Variants in CEP83 observed in about 807,000 individuals in gnomAD.
The protein encoded by CEP83 is centrosomal protein 83.
CEP83 carries 70 observed loss-of-function variants against 101.9 expected under a neutral mutation model. That is an observed-to-expected ratio of 0.69 (90% CI 0.57 to 0.84). The LOEUF is 0.84. Ranked by LOEUF, CEP83 falls within the 40% of genes least tolerant of loss-of-function variation. The probability of loss-of-function intolerance (pLI) is 0.00; values close to 1 mark genes in which losing one functional copy is unlikely to be tolerated. For synonymous variants in CEP83, 264 were observed against 267.9 expected (o/e 0.99, Z 0.14); for missense variants, 715 against 787.2 (o/e 0.91, Z 1.10).
At chr12:94,302,052 A>C (rs1361290460), downstream of CEP83, among the ~76,000 whole-genome samples, 3 of 152,066 alleles carry the variant, frequency 2.0e-5, no homozygotes, top group African/African-American at 4.8e-5. Context: ...CTTTCCTTCT[A>C]AACTTTTCCT....
chr12:94,376,690 TACACACACACACACAC>T (rs533315599), intron 7 of CEP83, among the ~76,000 whole-genome samples: 9 of 117,390 alleles, frequency 7.7e-5, no homozygotes, highest in South Asian at 3.0e-4. Context: ...TATACATATA[TACACACACACACACAC>T]ACACACACAC....
intron 11 of CEP83, among the ~76,000 whole-genome samples, chr12:94,351,306 G>A (rs1298991932): frequency 1.3e-5 from 2 of 152,128 alleles, no homozygotes; most frequent in African/African-American, 2.4e-5. Flanking sequence ...GGAGCTGCTT[G>A]GAGTCCACAT....
At chr12:94,331,147 C>T (rs746841664) in intron 14 of CEP83, among the ~76,000 whole-genome samples, 1 of 151,474 alleles carries the variant, frequency 6.6e-6, no homozygotes, top group Non-Finnish European at 1.5e-5. Flanking sequence ...AAAAATTAGT[C>T]GGGTGTGGTG....
chr12:94,353,104 C>G (rs1009708313), intron 11 of CEP83, among the ~76,000 whole-genome samples: 18 of 152,158 alleles, frequency 1.2e-4, no homozygotes, highest in Middle Eastern at 3.4e-3. Context: ...AAGAAAAAAG[C>G]ATCAAGTCAT....
At chr12:94,427,904 T>G (rs1409136504) in intron 2 of CEP83, among the ~76,000 whole-genome samples, 3 of 151,758 alleles carry the variant, frequency 2.0e-5, no homozygotes, top group African/African-American at 4.8e-5. Flanking sequence ...AAAAAAAAAG[T>G]CACAACTTGA....
chr12:94,417,921 T>C (rs2137911742), intron 2 of CEP83, among the ~76,000 whole-genome samples: 1 of 152,290 alleles, frequency 6.6e-6, no homozygotes, highest in Non-Finnish European at 1.5e-5. Flanking sequence ...GTTATGGTTA[T>C]CTGACAAAGA....
chr12:94,415,334 A>G (rs1193192884), intron 2 of CEP83, among the ~76,000 whole-genome samples: 7 of 152,146 alleles, frequency 4.6e-5, no homozygotes, highest in Admixed American at 3.3e-4. Flanking sequence ...TAAAGGACTG[A>G]GCAAGCTGTA....
chr12:94,359,613 A>C (rs1232230427), intron 11 of CEP83, among the ~76,000 whole-genome samples: 1 of 152,186 alleles, frequency 6.6e-6, no homozygotes, highest in Non-Finnish European at 1.5e-5. Flanking sequence ...ACAGATCAAT[A>C]ATGAGTAACA....
intron 14 of CEP83, among the ~76,000 whole-genome samples, chr12:94,318,076 T>C (rs746187115): frequency 1.1e-4 from 16 of 152,216 alleles, no homozygotes; most frequent in Admixed American, 3.9e-4. Context: ...TTGCCATTTA[T>C]TTGTATCATC....
intron 14 of CEP83, among the ~76,000 whole-genome samples, chr12:94,327,396 G>A (rs1235167967): frequency 6.6e-6 from 1 of 152,000 alleles, no homozygotes; most frequent in Non-Finnish European, 1.5e-5. Context: ...ACCACACCTA[G>A]CTCCTCGTTC....
the CEP83 span, among the ~76,000 whole-genome samples, chr12:94,268,525 C>T: frequency 6.8e-6 from 1 of 147,588 alleles, no homozygotes; most frequent in Non-Finnish European, 1.5e-5. Context: ...TGTGCACACA[C>T]AGGACTTTAG....
intron 6 of CEP83, among the ~76,000 whole-genome samples, chr12:94,380,090 ACAAAAAAC>A (rs1282917506): frequency 2.2e-4 from 24 of 111,202 alleles, no homozygotes; most frequent in Non-Finnish European, 4.0e-4. Context: ...AAAAAAAAAA[ACAAAAAAC>A]AAAAACAGAA....
intron 15 of CEP83, chr12:94,312,587 G>T (rs886747092): frequency 1.0e-6 from 1 of 985,248 alleles, no homozygotes; most frequent in African/African-American, 1.7e-5. Flanking sequence ...ATTCAAAGTT[G>T]TAGGCACAAT....
intron 2 of CEP83, among the ~76,000 whole-genome samples, chr12:94,426,024 A>C (rs2065172748): frequency 6.6e-6 from 1 of 151,918 alleles, no homozygotes; most frequent in Non-Finnish European, 1.5e-5. Flanking sequence ...CGGGAGGCTG[A>C]GGCAGGAGAA....
In CEP83 at chr12:94,378,845, T is replaced by C; in HGVS notation, c.747A>G (p.Gln249=). 1 of 1,614,112 alleles carries C rather than the reference T, an allele frequency of 6.2e-7. No homozygotes were observed. Among genetic ancestry groups the C allele is most frequent in the South Asian group, 1.1e-5 (1 of 91,076 alleles). The stretch of plus-strand genomic sequence containing the variant: ...CAGCCAACTGCCGCACCTGTATTCT[T>C]TGGGCATTTTCCACCTGAGCCTCAG... ...ENSEAQVENA[Q]RIQVRQLAEM... is the part of the protein sequence containing the mutation. The change falls in exon 7 of 17, where the codon CAA becomes CAG. Residue 249 remains glutamine, a synonymous_variant. Transcript: ENST00000397809.
At chr12:94,292,222 A>G in the CEP83 span, among the ~76,000 whole-genome samples, 63 of 152,216 alleles carry the variant, frequency 4.1e-4, no homozygotes, top group African/African-American at 1.5e-3. Flanking sequence ...TATTTATATG[A>G]TACCCAAGAA....
At chr12:94,280,799 CT>C in the CEP83 span, among the ~76,000 whole-genome samples, 1 of 152,230 alleles carries the variant, frequency 6.6e-6, no homozygotes, top group Admixed American at 6.5e-5. Context: ...GGTCCTGCCG[CT>C]GATGAGTAGG....
At chr12:94,305,821 G>A (rs1968944993), downstream of CEP83, 1 of 152,448 alleles carries the variant, frequency 6.6e-6, no homozygotes, top group Admixed American at 6.5e-5. Context: ...TGTACACTTA[G>A]CATTTGTGAG....
At chr12:94,404,544 A>ACCAGT (rs1409727731) in intron 4 of CEP83, among the ~76,000 whole-genome samples, 3 of 152,270 alleles carry the variant, frequency 2.0e-5, no homozygotes, top group African/African-American at 7.2e-5. Context: ...AGAAATATCT[A>ACCAGT]AACACTGTAA....
Sources: gnomAD v4.1 joint callset for allele counts (sites outside exome capture counted in the v4.1 genomes callset) on GRCh38, gnomAD v4.1.1 for gene constraint, MANE v1.5 for transcripts, NCBI Gene and HGNC (gene_info 2026-07-23, HGNC 2026-07-21) for gene names.